The following SLX4IP variants were observed in gnomAD, a reference collection of about 807,000 sequenced individuals.
SLX4IP encodes protein SLX4IP.
In SLX4IP, 34 loss-of-function variants were observed where a neutral mutation model predicts 32.9. The ratio of observed to expected loss-of-function variants is 1.03; its 90% CI spans 0.79 to 1.38. SLX4IP has a LOEUF of 1.38. Ranked by LOEUF, SLX4IP falls within the 40% of genes most tolerant of loss-of-function variation. The probability of loss-of-function intolerance (pLI) is 0.00; values close to 1 mark genes in which losing one functional copy is unlikely to be tolerated. For missense variants in SLX4IP, 444 were observed against 479.0 expected (o/e 0.93, Z 0.68); for synonymous variants, 172 against 171.7 (o/e 1.00, Z -0.01).
intron 4 of SLX4IP, among the ~76,000 whole-genome samples, chr20:10,572,334 T>A (rs952976688): frequency 7.2e-5 from 11 of 152,228 alleles, no homozygotes; most frequent in Non-Finnish European, 1.3e-4. Flanking sequence ...GTGGTTTTTT[T>A]AAATACAATT....
rs57454076 is a variant in SLX4IP, at chr20:10,451,050, C to T, written c.-29-7126C>T. Reference sequence around the variant, plus strand: ...TACAGGCGTGAGCCACCGTGCCCGGCAGGCCTAGTGTTTTTGTATGTCATT... The same window carrying T: ...TACAGGCGTGAGCCACCGTGCCCGGTAGGCCTAGTGTTTTTGTATGTCATT... On this transcript the variant is annotated intron_variant, in intron 1 of 7. Coordinates refer to ENST00000334534, the MANE Select transcript of SLX4IP (RefSeq NM_001009608.3). Among the ~76,000 whole-genome samples, 665 of 149,060 alleles carry T rather than the reference C, an allele frequency of 4.5e-3. 7 individuals are homozygous for T. The highest frequency in any genetic ancestry group is 0.015 in the African/African-American group (628 of 41,070).
At chr20:10,587,705 G>T (rs2066661810) in intron 4 of SLX4IP, among the ~76,000 whole-genome samples, 1 of 152,052 alleles carries the variant, frequency 6.6e-6, no homozygotes, top group South Asian at 2.1e-4. Flanking sequence ...TGTGTATATG[G>T]CCAAATATTC....
chr20:10,562,061 C>T (rs1475927876), intron 4 of SLX4IP, among the ~76,000 whole-genome samples: 3 of 152,132 alleles, frequency 2.0e-5, no homozygotes, highest in African/African-American at 7.2e-5. Flanking sequence ...GCAGCAGCGT[C>T]TAGGGTTGAG....
At chr20:10,573,043 C>T (rs2066484139) in intron 4 of SLX4IP, among the ~76,000 whole-genome samples, 1 of 152,192 alleles carries the variant, frequency 6.6e-6, no homozygotes, top group Admixed American at 6.5e-5. Flanking sequence ...CAACTTTCCC[C>T]AACACCCGAT....
intron 2 of SLX4IP, among the ~76,000 whole-genome samples, chr20:10,515,190 T>C (rs2065839691): frequency 6.6e-6 from 1 of 150,422 alleles, no homozygotes; most frequent in African/African-American, 2.4e-5. Context: ...GTTCAACCTG[T>C]TCTCCTGCCT....
In SLX4IP at chr20:10,529,576, G is replaced by A. The variant is rs550226179; in HGVS notation, c.28-26655G>A. Reference sequence around the variant, plus strand: ...ACTGCACTCCAGTCTGGGTGACCGTGTGAGACTCCATCTCAAAAAAAAAAA... The same window carrying A: ...ACTGCACTCCAGTCTGGGTGACCGTATGAGACTCCATCTCAAAAAAAAAAA... On this transcript the variant is annotated intron_variant, in intron 2 of 7. Coordinates refer to ENST00000334534, the MANE Select transcript of SLX4IP (RefSeq NM_001009608.3). 8.6e-5 allele frequency among the ~76,000 whole-genome samples: 10 copies of A among 116,804 alleles called. No individual in the cohort carries two copies. The East Asian group carries it at 2.3e-3, about 27-fold the overall frequency. The allele number at this position is 116,804 out of a possible 152,430, so 76.6% of individuals were successfully genotyped here.
intron 2 of SLX4IP, among the ~76,000 whole-genome samples, chr20:10,548,329 C>T (rs528787163): frequency 3.3e-5 from 5 of 152,258 alleles, no homozygotes; most frequent in Non-Finnish European, 7.4e-5. Flanking sequence ...AGCTCCGCCT[C>T]CCGGGTTCAT....
rs182782587 is a variant in SLX4IP, at chr20:10,443,021, T to C, written c.-30+7568T>C. 1.4e-3 allele frequency among the ~76,000 whole-genome samples: 216 copies of C among 152,330 alleles called. 1 individual carries two copies. The highest frequency in any genetic ancestry group is 2.8e-3 in the Non-Finnish European group (193 of 68,026). On this transcript the variant is annotated intron_variant, in intron 1 of 7. Coordinates refer to ENST00000334534, the MANE Select transcript of SLX4IP (RefSeq NM_001009608.3). ...CTAATCTGTTGCCCATTATTTTCAA[T>C]ATGAAACACTAGGATCTTCTGGGTA...
chr20:10,459,309 G>A (rs548528043), intron 2 of SLX4IP, among the ~76,000 whole-genome samples: 1 of 152,180 alleles, frequency 6.6e-6, no homozygotes, highest in East Asian at 1.9e-4. Flanking sequence ...CCATTCTGTA[G>A]GTTGTCTGTT....
chr20:10,552,052 G>A (rs1292006440), intron 2 of SLX4IP, among the ~76,000 whole-genome samples: 1 of 152,240 alleles, frequency 6.6e-6, no homozygotes, highest in African/African-American at 2.4e-5. Flanking sequence ...ATGCGTGACT[G>A]ATTCTGGAGG....
In SLX4IP at chr20:10,583,113, T is replaced by C. The variant is rs796364653; in HGVS notation, c.239-15562T>C. Among the ~76,000 whole-genome samples, 6 of 152,330 alleles carry C rather than the reference T, an allele frequency of 3.9e-5. 1 individual carries two copies. The highest frequency in any genetic ancestry group is 1.4e-4 in the African/African-American group (6 of 41,578). ...GCCAGCATCCCAGTTTTAAACAGCATATAGCCAATGTTATTTCATTTATAT... is the reference window on the plus strand; with the variant it reads ...GCCAGCATCCCAGTTTTAAACAGCACATAGCCAATGTTATTTCATTTATAT... On this transcript the variant is annotated intron_variant, in intron 4 of 7. Transcript: ENST00000334534.
At chr20:10,445,699 A>G (rs1344183753) in intron 1 of SLX4IP, among the ~76,000 whole-genome samples, 2 of 148,332 alleles carry the variant, frequency 1.3e-5, no homozygotes, top group East Asian at 2.0e-4. Flanking sequence ...ATCTCGGCTC[A>G]CTGCAACCTC....
chr20:10,484,494 T>C (rs2065554974), intron 2 of SLX4IP, among the ~76,000 whole-genome samples: 1 of 152,172 alleles, frequency 6.6e-6, no homozygotes, highest in Non-Finnish European at 1.5e-5. Flanking sequence ...AATGGTCAGC[T>C]TTTTAGTAAA....
intron 4 of SLX4IP, among the ~76,000 whole-genome samples, chr20:10,563,321 T>G (rs1392422545): frequency 3.9e-5 from 6 of 152,250 alleles, no homozygotes. Flanking sequence ...GTCAGATTAA[T>G]AGTTTGCAAA....
chr20:10,627,225 T>G lies in SLX4IP; in HGVS notation c.*3846T>G, dbSNP rs2067183156. 6.6e-6 allele frequency: 1 copy of G among 152,256 alleles called. No individual in the cohort carries two copies. Among genetic ancestry groups the G allele is most frequent in the African/African-American group, 2.4e-5 (1 of 41,472 alleles). 9.4% of individuals were successfully genotyped at this position (152,256 alleles called of 1,614,324 possible). ...CTGTGACTTGAATATGGAAATCATT[T>G]TAATTTCTTCTTTTCTCTTATGGGG... On this transcript the variant is annotated 3_prime_UTR_variant, in exon 8 of 8. Coordinates refer to ENST00000334534, the MANE Select transcript of SLX4IP (RefSeq NM_001009608.3).
At chr20:10,542,766 CTAGTT>C (rs2066121035) in intron 2 of SLX4IP, among the ~76,000 whole-genome samples, 1 of 152,162 alleles carries the variant, frequency 6.6e-6, no homozygotes, top group African/African-American at 2.4e-5. Context: ...TACATATATC[CTAGTT>C]TAATTCTCTC....
chr20:10,540,533 G>A (rs1411220041), intron 2 of SLX4IP, among the ~76,000 whole-genome samples: 1 of 152,108 alleles, frequency 6.6e-6, no homozygotes, highest in Non-Finnish European at 1.5e-5. Flanking sequence ...TAATGTGTAG[G>A]TAGCAGCTGA....
In SLX4IP at chr20:10,589,932, GA is replaced by G. The variant is rs1158004618; in HGVS notation, c.239-8736del. On this transcript the variant is annotated intron_variant, in intron 4 of 7. Coordinates refer to ENST00000334534, the MANE Select transcript of SLX4IP (RefSeq NM_001009608.3). ...TTGAGTCTATGTTACTTTTAATTAG[GA>G]AAAAAATTTTTTTTACTTTGAATTT... Among the ~76,000 whole-genome samples, 11 of 151,388 alleles carry G rather than the reference GA, an allele frequency of 7.3e-5. 1 individual carries two copies. Among genetic ancestry groups the G allele is most frequent in the Non-Finnish European group, 2.9e-5 (2 of 67,798 alleles).
At chr20:10,549,619 A>G (rs1170960314) in intron 2 of SLX4IP, among the ~76,000 whole-genome samples, 2 of 152,166 alleles carry the variant, frequency 1.3e-5, no homozygotes, top group African/African-American at 4.8e-5. Context: ...CAGGGGTTAA[A>G]TTTCCTCAGA....
Sources: allele counts gnomAD v4.1 joint callset (sites outside exome capture counted in the v4.1 genomes callset), GRCh38; gene constraint gnomAD v4.1.1; transcripts MANE v1.5; gene names NCBI Gene and HGNC (gene_info 2026-07-23, HGNC 2026-07-21).